The following REELD1 variants were observed in gnomAD, a reference collection of about 807,000 sequenced individuals.
The protein encoded by REELD1 is reeler domain containing 1, also known as reelin domain-containing protein 1.
A neutral mutation model predicts 6.3 loss-of-function variants in REELD1; 12 were observed. That is an observed-to-expected ratio of 1.89 (90% confidence interval 1.21 to 3.07). The LOEUF (loss-of-function observed/expected upper bound fraction) is 3.07, where lower values mean the gene tolerates loss of function less well. Among genes scored for constraint, REELD1 ranks in the 30% most tolerant of loss-of-function variants. The pLI, the probability that REELD1 is intolerant of heterozygous loss-of-function variation, is 0.00. For synonymous variants in REELD1, 57 were observed against 33.6 expected (o/e 1.70, Z -2.42); for missense variants, 163 against 86.8 (o/e 1.88, Z -3.49).
intron 7 of REELD1, 26 bp downstream of exon 7, chr4:146,229,114 C>T (rs1419110179): frequency 7.1e-6 from 5 of 699,552 alleles, no homozygotes; most frequent in African/African-American, 3.5e-5. Flanking sequence ...GTGAAGTGGG[C>T]TTGTGACTGG....
At chr4:146,224,342 T>A (rs922256651) in intron 4 of REELD1, 103 bp from the exon 5 acceptor site, 4 of 466,164 alleles carry the variant, frequency 8.6e-6, no homozygotes, top group African/African-American at 2.0e-5. Context: ...GTTTTGTTCC[T>A]CTTTATCTGT....
intron 6 of REELD1, 59 bp downstream of exon 6, chr4:146,228,581 T>G (rs1731070110): frequency 1.6e-6 from 1 of 635,650 alleles, no homozygotes; most frequent in Admixed American, 2.6e-5. Context: ...AACACTGGAG[T>G]GCATCATGTG....
intron 5 of REELD1, among the ~76,000 whole-genome samples, chr4:146,226,472 A>G (rs1328805975): frequency 1.3e-5 from 2 of 152,230 alleles, no homozygotes; most frequent in African/African-American, 2.4e-5. Flanking sequence ...TGGGAAGTCC[A>G]AGATGAAGGC....
intron 3 of REELD1, among the ~76,000 whole-genome samples, chr4:146,218,133 G>A (rs1389515800): frequency 6.6e-6 from 1 of 152,240 alleles, no homozygotes. Flanking sequence ...TCTCTGCTGT[G>A]GGCAACCGAG....
At chr4:146,224,224 A>G (rs1485492738) in intron 4 of REELD1, among the ~76,000 whole-genome samples, 1 of 152,208 alleles carries the variant, frequency 6.6e-6, no homozygotes, top group Non-Finnish European at 1.5e-5. Context: ...TGTTCATATC[A>G]TCTCCTATTC....
chr4:146,223,788 C>T (rs910866212), intron 4 of REELD1, among the ~76,000 whole-genome samples: 3 of 152,334 alleles, frequency 2.0e-5, no homozygotes, highest in East Asian at 1.9e-4. Flanking sequence ...CTATGACGCT[C>T]ACTGCGTCTC....
intron 1 of REELD1, among the ~76,000 whole-genome samples, 174 bp from the exon 2 acceptor site, chr4:146,214,902 G>C (rs532681471): frequency 6.6e-6 from 1 of 152,210 alleles, no homozygotes; most frequent in South Asian, 2.1e-4. Flanking sequence ...AGAAGACACA[G>C]TGAAACCTAA....
At position 146,232,145 on chromosome 4, in the gene REELD1, T is replaced by C. The variant is rs1210316869; in HGVS notation, c.*1632T>C. 1 of 152,246 alleles carries C rather than the reference T, an allele frequency of 6.6e-6. No homozygotes were observed. Among genetic ancestry groups the C allele is most frequent in the Non-Finnish European group, 1.5e-5 (1 of 68,052 alleles). The allele number at this position is 152,246 out of a possible 1,614,324, so 9.4% of individuals were successfully genotyped here. A position where few individuals can be genotyped will look rare whatever the true frequency, so the allele number is the denominator to read the frequency against. ...GCCAGATGCACCATGTATGCAAACT[T>C]TTTTAGATCTTTTCTGTCTAAGAGA... On this transcript the variant is annotated 3_prime_UTR_variant, in exon 8 of 8. Coordinates refer to ENST00000623665, the MANE Select transcript of REELD1 (RefSeq NM_001354631.1).
chr4:146,217,480 G>A (rs1461629973), intron 3 of REELD1, among the ~76,000 whole-genome samples: 1 of 152,176 alleles, frequency 6.6e-6, no homozygotes. Flanking sequence ...CTGGGCTCAA[G>A]TGAACCTCCT....
chr4:146,215,260 T>G (rs572368822), intron 2 of REELD1, 62 bp downstream of exon 2: 1 of 152,258 alleles, frequency 6.6e-6, no homozygotes, highest in South Asian at 2.1e-4. Flanking sequence ...TGAAAGAAAA[T>G]GAGAAGAACC....
chr4:146,231,215 C>T lies in REELD1; in HGVS notation c.*702C>T, dbSNP rs1160059157. On this transcript the variant is annotated 3_prime_UTR_variant, in exon 8 of 8. Transcript: ENST00000623665. Reference sequence around the variant, plus strand: ...AAACACCAGAGTGGGGTAAGAAAGCCTTTTCATCAGGTGTAAATGGATCTG... The same window carrying T: ...AAACACCAGAGTGGGGTAAGAAAGCTTTTTCATCAGGTGTAAATGGATCTG... 6.6e-6 allele frequency among the ~76,000 whole-genome samples: 1 copy of T among 152,204 alleles called. No individual in the cohort carries two copies. Among genetic ancestry groups the T allele is most frequent in the Non-Finnish European group, 1.5e-5 (1 of 68,038 alleles).
Position 146,216,994 on chromosome 4 carries a change from C to T in REELD1, c.42C>T (p.Thr14=). ...QAALVGWACT[T]LCLASCSSAF... ...CCCTCGTGGGCTGGGCTTGTACCACCCTCTGCCTGGCTTCCTGCTCATCTG... is the reference window on the plus strand; with the variant it reads ...CCCTCGTGGGCTGGGCTTGTACCACTCTCTGCCTGGCTTCCTGCTCATCTG... Residue 14 remains threonine, a synonymous_variant, in exon 3 of 8, where the codon ACC becomes ACT. Transcript: ENST00000623665. The T allele has an allele frequency of 2.5e-6, 1 of 398,822 alleles. No homozygotes were observed. Among genetic ancestry groups the T allele is most frequent in the Non-Finnish European group, 4.4e-6 (1 of 226,242 alleles). 24.7% of individuals were successfully genotyped at this position (398,822 alleles called of 1,614,324 possible). A position where few individuals can be genotyped will look rare whatever the true frequency, so the allele number is the denominator to read the frequency against.
rs188044556 is a variant in REELD1, at chr4:146,227,512, A to G, written c.596-698A>G. Among the ~76,000 whole-genome samples the G allele has an allele frequency of 9.8e-5, 15 of 152,358 alleles. No homozygotes were observed. The East Asian group carries it at 2.9e-3, about 29-fold the overall frequency. On this transcript the variant is annotated intron_variant, in intron 5 of 7. Coordinates refer to ENST00000623665, the MANE Select transcript of REELD1 (RefSeq NM_001354631.1). ...TTCACGCTTCCACCTCAATGAGTTC[A>G]TGTCAACCCCTCAGCAATCCTATGC...
At chr4:146,215,882 C>T (rs1390135762) in intron 2 of REELD1, among the ~76,000 whole-genome samples, 1 of 151,992 alleles carries the variant, frequency 6.6e-6, no homozygotes, top group Non-Finnish European at 1.5e-5. Context: ...TCCCGAGTAG[C>T]TGGGACTATA....
chr4:146,228,607 G>T (rs186501142), intron 6 of REELD1, 85 bp downstream of exon 6: 231 of 609,098 alleles, frequency 3.8e-4, no homozygotes, highest in African/African-American at 3.5e-3. Flanking sequence ...TGACAAAAAA[G>T]ATCTCAGCCA....
At chr4:146,219,253 G>A (rs574274206) in intron 3 of REELD1, among the ~76,000 whole-genome samples, 1 of 152,260 alleles carries the variant, frequency 6.6e-6, no homozygotes, top group African/African-American at 2.4e-5. Flanking sequence ...AATTCTGAAG[G>A]TATCCTGAGG....
rs919679545 is a variant in REELD1 at position 146,232,208 on chromosome 4, T to G, written c.*1695T>G. On this transcript the variant is annotated 3_prime_UTR_variant, in exon 8 of 8. Transcript: ENST00000623665. Reference sequence around the variant, plus strand: ...GTAAACAGACTGTTTTGCTTGTCTATTGATGTGAACAAATTACCTCTAGGC... The same window carrying G: ...GTAAACAGACTGTTTTGCTTGTCTAGTGATGTGAACAAATTACCTCTAGGC... The G allele has an allele frequency of 3.3e-5, 5 of 152,352 alleles. No homozygotes were observed. In the East Asian group the frequency reaches 9.6e-4, roughly 29 times the overall value. 9.4% of individuals were successfully genotyped at this position (152,352 alleles called of 1,614,324 possible). A position where few individuals can be genotyped will look rare whatever the true frequency, so the allele number is the denominator to read the frequency against.
intron 4 of REELD1, 87 bp from the exon 5 acceptor site, chr4:146,224,358 T>G: frequency 2.0e-6 from 1 of 494,790 alleles, no homozygotes; most frequent in Non-Finnish European, 3.6e-6. Flanking sequence ...TCTGTTAGTG[T>G]GTTCTCTCTT....
chr4:146,229,565 A>G (rs922641159), intron 7 of REELD1, among the ~76,000 whole-genome samples: 6 of 152,206 alleles, frequency 3.9e-5, no homozygotes, highest in Admixed American at 6.5e-5. Flanking sequence ...CATGGGTCCT[A>G]TCATAAGAAG....
Sources: allele counts gnomAD v4.1 joint callset (sites outside exome capture counted in the v4.1 genomes callset), GRCh38; gene constraint gnomAD v4.1.1; transcripts MANE v1.5; gene names NCBI Gene and HGNC (gene_info 2026-07-23, HGNC 2026-07-21).